Variants in F7 observed in about 807,000 individuals in gnomAD.
F7 encodes FVII coagulation protein.
F7 carries 38 observed loss-of-function variants against 47.5 expected under a neutral mutation model. That is an observed-to-expected ratio of 0.80 (90% CI 0.62 to 1.05). The LOEUF (loss-of-function observed/expected upper bound fraction) is 1.05. Among genes scored for constraint, F7 ranks in the 50% least tolerant of loss-of-function variants. The pLI is 0.00. For missense variants in F7, 575 were observed against 605.4 expected (o/e 0.95, Z 0.53); for synonymous variants, 244 against 258.5 (o/e 0.94, Z 0.54).
intron 4 of F7, chr13:113,114,823 G>C (rs533636561): frequency 1.4e-4 from 22 of 153,208 alleles, no homozygotes; most frequent in East Asian, 5.8e-4. Flanking sequence ...CCTTCCAAGG[G>C]CTTAGCGGTC....
At chr13:113,105,984 A>C (rs1595065320) in intron 1 of F7, 79 bp downstream of exon 1, 2 of 1,320,352 alleles carry the variant, frequency 1.5e-6, no homozygotes, top group Non-Finnish European at 2.1e-6. Context: ...GGCTTCCCAA[A>C]CCCCGCCCTT....
intron 1 of F7, among the ~76,000 whole-genome samples, chr13:113,108,631 C>G (rs1474566540): frequency 9.7e-6 from 1 of 102,910 alleles, no homozygotes; most frequent in Non-Finnish European, 2.0e-5. Flanking sequence ...GTGGGTGTCC[C>G]GGGGGCGTGG....
At chr13:113,115,823 T>C (rs2036184903) in intron 5 of F7, 23 bp downstream of exon 5, 1 of 1,612,814 alleles carries the variant, frequency 6.2e-7, no homozygotes, top group Non-Finnish European at 8.5e-7. Context: ...CATGTCCCAG[T>C]CCCAGATGAC....
Position 113,113,688 on chromosome 13 carries a change from G to T in F7, c.226-64G>T. 2 of 1,540,370 alleles carry T rather than the reference G, an allele frequency of 1.3e-6. No individual in the cohort carries two copies. The highest frequency in any genetic ancestry group is 2.2e-5 in the South Asian group (2 of 89,646). ...CCAACCCCAGTTCATGGTGTGTCCA[G>T]TGCTTACCGTTGGGTGCTCTGGTGA... is the stretch of plus-strand genomic sequence containing the variant. On this transcript the variant is annotated intron_variant, in intron 2 of 7. Coordinates refer to ENST00000346342, the MANE Select transcript of F7 (RefSeq NM_019616.4). This position sits in a 1 kb window ranked among gnomAD's most constrained non-coding sequence, Gnocchi z 4.1.
chr13:113,111,006 G>C (rs867252543), intron 2 of F7, among the ~76,000 whole-genome samples, 156 bp downstream of exon 2: 4 of 152,090 alleles, frequency 2.6e-5, no homozygotes, highest in Non-Finnish European at 2.9e-5. Flanking sequence ...CTTTCCGCCC[G>C]GGGTGACTCC....
chr13:113,107,273 G>GAGTGT (rs1566904831), intron 1 of F7, among the ~76,000 whole-genome samples: 32 of 63,502 alleles, frequency 5.0e-4, no homozygotes, highest in African/African-American at 1.5e-3. Flanking sequence ...GGTGTCCCGG[G>GAGTGT]GGCGTGGGTG....
rs2036134886 is a variant in F7, at chr13:113,113,094, T to C, written c.226-658T>C. The stretch of plus-strand genomic sequence containing the variant: ...CCACACCTCACACTCACAGGATGCC[T>C]CACACTCACAGAACCACATCTCATA... On this transcript the variant is annotated intron_variant, in intron 2 of 7. Transcript: ENST00000346342. This position sits in a 1 kb window ranked among gnomAD's most constrained non-coding sequence, Gnocchi z 4.1. Among the ~76,000 whole-genome samples the C allele has an allele frequency of 6.6e-6, 1 of 151,240 alleles. No individual in the cohort carries two copies. Among genetic ancestry groups the C allele is most frequent in the African/African-American group, 2.4e-5 (1 of 41,062 alleles).
intron 2 of F7, among the ~76,000 whole-genome samples, chr13:113,111,373 A>G (rs1422850619): frequency 6.8e-5 from 10 of 146,648 alleles, no homozygotes; most frequent in South Asian, 4.4e-4. Context: ...CACCTCACAC[A>G]GGGCACACTT....
intron 4 of F7, chr13:113,114,515 C>T: frequency 5.8e-6 from 1 of 173,826 alleles, no homozygotes; most frequent in Non-Finnish European, 1.3e-5. Flanking sequence ...ACAAGCTTCC[C>T]CTTGTCCTCT....
chr13:113,113,586 T>C lies in F7; in HGVS notation c.226-166T>C, dbSNP rs2036142501. 6.6e-6 allele frequency among the ~76,000 whole-genome samples: 1 copy of C among 152,132 alleles called. No homozygotes were observed. The highest frequency in any genetic ancestry group is 1.5e-5 in the Non-Finnish European group (1 of 68,028). Reference sequence around the variant, plus strand: ...CAGATGTCCTGGGGAGGGGCCAAGATTAGAAGAAACCTACCTCAGCTCCAG... The same window carrying C: ...CAGATGTCCTGGGGAGGGGCCAAGACTAGAAGAAACCTACCTCAGCTCCAG... On this transcript the variant is annotated intron_variant, in intron 2 of 7. Transcript: ENST00000346342. The surrounding 1 kb of genome is among the most constrained non-coding windows in gnomAD (Gnocchi z 4.1).
intron 1 of F7, chr13:113,107,033 G>C (rs1489815583): frequency 8.8e-7 from 1 of 1,140,856 alleles, no homozygotes; most frequent in Non-Finnish European, 1.3e-6. Flanking sequence ...CAAGGAGGGT[G>C]TTCCCTGCTC....
chr13:113,115,726 C>T lies in F7; in HGVS notation c.431C>T (p.Thr144Met), dbSNP rs771465632. 58 of 1,612,956 alleles carry T rather than the reference C, an allele frequency of 3.6e-5. No homozygotes were observed. Among genetic ancestry groups the T allele is most frequent in the Admixed American group, 1.0e-4 (6 of 59,998 alleles). ...GGCEQYCSDH[T>M]GTKRSCRCHE... ...TGTGAGCAGTACTGCAGTGACCACA[C>T]GGGCACCAAGCGCTCCTGTCGGTGC... Residue 144 changes from threonine to methionine, a missense_variant, in exon 5 of 8, where the codon ACG becomes ATG. Physicochemically the swap from Thr to Met is moderately conservative, Grantham distance 81 (BLOSUM62 -1). Coordinates refer to ENST00000346342, the MANE Select transcript of F7 (RefSeq NM_019616.4).
rs2036278722 is a variant in F7 at position 113,120,130 on chromosome 13, C to T, written c.*1122C>T. Reference sequence around the variant, plus strand: ...TCAACATCACTGAAATGAACCCTCACATGGAAGCTATTTTTTAAAAACAAA... The same window carrying T: ...TCAACATCACTGAAATGAACCCTCATATGGAAGCTATTTTTTAAAAACAAA... On this transcript the variant is annotated 3_prime_UTR_variant, in exon 8 of 8. Transcript: ENST00000346342. The T allele has an allele frequency of 6.6e-6, 1 of 152,218 alleles. No individual in the cohort carries two copies. The highest frequency in any genetic ancestry group is 6.5e-5 in the Admixed American group (1 of 15,286). 9.4% of individuals were successfully genotyped at this position (152,218 alleles called of 1,614,324 possible).
chr13:113,108,045 G>C (rs370031564), intron 1 of F7, among the ~76,000 whole-genome samples: 1 of 2,274 alleles, frequency 4.4e-4, no homozygotes, highest in Non-Finnish European at 2.8e-3. Flanking sequence ...CGGGAGTGTG[G>C]GTGTCCCGGG....
In F7 at chr13:113,110,802, G is replaced by C. The variant is rs778291201; in HGVS notation, c.177G>C (p.Gln59His). 1.1e-5 allele frequency: 17 copies of C among 1,557,004 alleles called. No individual in the cohort carries two copies. The highest frequency in any genetic ancestry group is 5.8e-5 in the Admixed American group (3 of 52,140). The change falls in exon 2 of 8, where the codon CAG becomes CAC. Residue 59 changes from glutamine to histidine, a missense_variant. By Grantham distance (24) the Gln-to-His change is conservative. Transcript: ENST00000346342. ...TGGAGAGGGAGTGCAAGGAGGAGCA[G>C]TGCTCCTTCGAGGAGGCCCGGGAGA... ...GSLERECKEE[Q>H]CSFEEAREIF...
At chr13:113,115,522 G>C in intron 4 of F7, 138 bp from the exon 5 acceptor site, 1 of 919,538 alleles carries the variant, frequency 1.1e-6, no homozygotes, top group Non-Finnish European at 1.7e-6. Context: ...GTGGTGCCAA[G>C]CTCAGGCTCT....
intron 5 of F7, 42 bp downstream of exon 5, chr13:113,115,842 C>A: frequency 6.2e-7 from 1 of 1,612,212 alleles, no homozygotes; most frequent in South Asian, 1.1e-5. Flanking sequence ...ACACCAGTCC[C>A]TGTCCCACTA....
intron 1 of F7, among the ~76,000 whole-genome samples, chr13:113,108,777 G>A (rs1595069754): frequency 2.9e-5 from 3 of 105,138 alleles, no homozygotes; most frequent in South Asian, 3.8e-4. Flanking sequence ...CCGGGAGTGT[G>A]GGTGTCCCAG....
rs1337886341 is a variant in F7, at chr13:113,118,810, G to A, written c.1137G>A (p.Lys379=). 5 of 1,613,020 alleles carry A rather than the reference G, an allele frequency of 3.1e-6. No individual in the cohort carries two copies. In the Admixed American group the frequency reaches 5.0e-5, roughly 16 times the overall value. Residue 379 remains lysine, a synonymous_variant, in exon 8 of 8, where the codon AAG becomes AAA. Transcript: ENST00000346342. ...CGGATGGCAGCAAGGACTCCTGCAAGGGGGACAGTGGAGGCCCACATGCCA... is the reference window on the plus strand; with the variant it reads ...CGGATGGCAGCAAGGACTCCTGCAAAGGGGACAGTGGAGGCCCACATGCCA... The part of the protein sequence containing the change: ...GYSDGSKDSC[K]GDSGGPHATH...
Sources: allele counts gnomAD v4.1 joint callset (sites outside exome capture counted in the v4.1 genomes callset), GRCh38; gene constraint gnomAD v4.1.1; non-coding constraint Gnocchi (gnomAD v3.1); transcripts MANE v1.5; gene names NCBI Gene and HGNC (gene_info 2026-07-23, HGNC 2026-07-21).